Variants in DLG5 observed in about 807,000 individuals in gnomAD.
DLG5 encodes the protein disks large homolog 5.
DLG5 carries 48 observed loss-of-function variants against 189.8 expected under a neutral mutation model. That is an observed-to-expected ratio of 0.25 (90% CI 0.20 to 0.32). The LOEUF is 0.32. DLG5 is among the 10% of genes least tolerant of loss of function. The probability of loss-of-function intolerance (pLI) is 1.00; values close to 1 mark genes in which losing one functional copy is unlikely to be tolerated. For synonymous variants in DLG5, 1,016 were observed against 1,054.1 expected, an observed-to-expected ratio of 0.96 and a Z score of 0.70; for missense variants, 2,160 against 2,544.7, an observed-to-expected ratio of 0.85 and a Z score of 3.25.
In DLG5 at chr10:77,926,317, G is replaced by A. The variant is rs1375566382; in HGVS notation, c.204C>T (p.Phe68=). 3.7e-6 allele frequency: 6 copies of A among 1,602,346 alleles called. No individual in the cohort carries two copies. Among genetic ancestry groups the A allele is most frequent in the Admixed American group, 1.7e-5 (1 of 58,396 alleles). ...TCTCCAGCGCCGCCCGCAGGTCCTG[G>A]AAGTGGTCCCGCTCCTTGGCCAAGA... ...KLLLAKERDH[F]QDLRAALEKT... The change falls in exon 1 of 32, where the codon TTC becomes TTT. Residue 68 remains phenylalanine, a synonymous_variant. Coordinates refer to ENST00000372391, the MANE Select transcript of DLG5 (RefSeq NM_004747.4). This position sits in a 1 kb window ranked among gnomAD's most constrained non-coding sequence, Gnocchi z 5.2.
intron 13 of DLG5, among the ~76,000 whole-genome samples, chr10:77,825,147 C>T (rs764378191): frequency 2.1e-4 from 32 of 152,114 alleles, no homozygotes; most frequent in Non-Finnish European, 7.4e-5. Context: ...CAAAACAGCC[C>T]AGCTCCAAAG....
chr10:77,917,465 A>G (rs543761343), intron 1 of DLG5, among the ~76,000 whole-genome samples: 2 of 151,714 alleles, frequency 1.3e-5, no homozygotes, highest in East Asian at 1.9e-4. Context: ...GCAGTGAGCC[A>G]TGAGTACCAC....
At chr10:77,797,995 T>C (rs908893240) in intron 27 of DLG5, among the ~76,000 whole-genome samples, 3 of 152,100 alleles carry the variant, frequency 2.0e-5, no homozygotes, top group African/African-American at 7.2e-5. Context: ...GAGACCAGCC[T>C]GGCCAATAAG....
At chr10:77,931,934 G>A in the DLG5 span, among the ~76,000 whole-genome samples, 2 of 152,228 alleles carry the variant, frequency 1.3e-5, no homozygotes, top group Admixed American at 1.3e-4. Flanking sequence ...GTAAATGATA[G>A]GACTTATACA....
chr10:77,836,110 C>A (rs1212999810), intron 7 of DLG5, among the ~76,000 whole-genome samples, 188 bp from the exon 8 acceptor site: 1 of 152,086 alleles, frequency 6.6e-6, no homozygotes, highest in African/African-American at 2.4e-5. Flanking sequence ...TTAACCAGCA[C>A]CCCCTAGCCC....
chr10:77,836,252 C>A (rs1843129225), intron 7 of DLG5, among the ~76,000 whole-genome samples: 1 of 152,152 alleles, frequency 6.6e-6, no homozygotes, highest in East Asian at 1.9e-4. Flanking sequence ...GCATTTGCAT[C>A]TTGACACATC....
chr10:77,849,902 C>T lies in DLG5; in HGVS notation c.864+3452G>A, dbSNP rs1843881004. 1.3e-5 allele frequency among the ~76,000 whole-genome samples: 2 copies of T among 152,226 alleles called. 1 individual carries two copies. Among genetic ancestry groups the T allele is most frequent in the South Asian group, 4.1e-4 (2 of 4,826 alleles). The stretch of plus-strand genomic sequence containing the variant: ...TTAAACAATTTCTTGTAGAGATAGT[C>T]TATGTTGCCCAGGCTGATCTTGGAC... On this transcript the variant is annotated intron_variant, in intron 5 of 31. Coordinates refer to ENST00000372391, the MANE Select transcript of DLG5 (RefSeq NM_004747.4).
At chr10:77,904,340 G>A (rs141931495) in intron 1 of DLG5, among the ~76,000 whole-genome samples, 17 of 151,710 alleles carry the variant, frequency 1.1e-4, no homozygotes, top group Non-Finnish European at 1.8e-4. Context: ...TGTCTCAGAT[G>A]AGACTTTGGA....
rs1842329257 is a variant in DLG5 at position 77,821,184 on chromosome 10, G to C, written c.3300C>G (p.Ser1100=). The C allele has an allele frequency of 6.2e-7, 1 of 1,614,154 alleles. No individual in the cohort carries two copies. Among genetic ancestry groups the C allele is most frequent in the South Asian group, 1.1e-5 (1 of 91,084 alleles). ...AKKSCDEDLT[S]QKVDELGQKR... Reference sequence around the variant, plus strand: ...TCTGCCCCAGCTCATCCACCTTCTGGGAGGTGAGGTCCTCATCACAGGATT... The same window carrying C: ...TCTGCCCCAGCTCATCCACCTTCTGCGAGGTGAGGTCCTCATCACAGGATT... The change falls in exon 15 of 32, where the codon TCC becomes TCG. Residue 1100 remains serine, a synonymous_variant. Coordinates refer to ENST00000372391, the MANE Select transcript of DLG5 (RefSeq NM_004747.4).
intron 27 of DLG5, among the ~76,000 whole-genome samples, chr10:77,804,423 G>C (rs1332097454): frequency 6.6e-6 from 1 of 152,190 alleles, no homozygotes; most frequent in African/African-American, 2.4e-5. Context: ...AGTGACAGTG[G>C]GCCATGAACT....
At chr10:77,828,138 T>A (rs12255538) in intron 13 of DLG5, among the ~76,000 whole-genome samples, 5,340 of 152,272 alleles carry the variant, frequency 0.035, 312 homozygotes, top group African/African-American at 0.12. Flanking sequence ...TCAATTTTTT[T>A]AATTGTCCTT....
chr10:77,910,035 C>T (rs796238104), intron 1 of DLG5, among the ~76,000 whole-genome samples: 8 of 152,164 alleles, frequency 5.3e-5, no homozygotes, highest in African/African-American at 1.9e-4. Flanking sequence ...AGTCATGGGT[C>T]TCCCTGCCAG....
intron 16 of DLG5, chr10:77,819,691 T>A (rs987748693): frequency 1.9e-6 from 2 of 1,063,650 alleles, no homozygotes; most frequent in Admixed American, 5.2e-5. Flanking sequence ...CAGGTTGCTA[T>A]GGGGAGAAAG....
Position 77,906,483 on chromosome 10 carries a change from C to T in DLG5, c.304+19734G>A, listed in dbSNP as rs116078745. The stretch of plus-strand genomic sequence containing the variant: ...ACTGTGAGGCCTCACTTTCTTGAAT[C>T]GTCAGGGACTTCTGGAACACAAATG... On this transcript the variant is annotated intron_variant, in intron 1 of 31. Transcript: ENST00000372391. Among the ~76,000 whole-genome samples the T allele has an allele frequency of 1.4e-4, 21 of 152,294 alleles. No homozygotes were observed. The East Asian group carries it at 1.9e-3, about 14-fold the overall frequency.
chr10:77,916,335 G>T (rs903305077), intron 1 of DLG5, among the ~76,000 whole-genome samples: 1 of 152,020 alleles, frequency 6.6e-6, no homozygotes. Context: ...TTGTTGCCCA[G>T]GCTGGAGTGA....
intron 1 of DLG5, among the ~76,000 whole-genome samples, chr10:77,910,280 GC>G (rs1212201868): frequency 1.4e-4 from 22 of 152,194 alleles, no homozygotes; most frequent in Non-Finnish European, 1.2e-4. Flanking sequence ...GGACTCCAGG[GC>G]TTGCCTAGCC....
chr10:77,893,276 C>T (rs1260471977), intron 1 of DLG5, among the ~76,000 whole-genome samples: 1 of 152,234 alleles, frequency 6.6e-6, no homozygotes, highest in Non-Finnish European at 1.5e-5. Flanking sequence ...ACCTAATACA[C>T]AATGTATACT....
chr10:77,863,886 G>A (rs1038727504), intron 2 of DLG5, among the ~76,000 whole-genome samples: 2 of 152,186 alleles, frequency 1.3e-5, no homozygotes, highest in African/African-American at 4.8e-5. Context: ...TTTTGTAAAG[G>A]AGGCAACAGG....
intron 2 of DLG5, chr10:77,868,767 G>A (rs1844787376): frequency 3.4e-6 from 1 of 291,968 alleles, no homozygotes; most frequent in Non-Finnish European, 6.4e-6. Context: ...GACTGGCAAT[G>A]CCTATCCCCA....
Sources: gnomAD v4.1 joint callset for allele counts (sites outside exome capture counted in the v4.1 genomes callset) on GRCh38, gnomAD v4.1.1 for gene constraint, Gnocchi (gnomAD v3.1) non-coding constraint, MANE v1.5 for transcripts, NCBI Gene and HGNC (gene_info 2026-07-23, HGNC 2026-07-21) for gene names.